KIF24: variants seen among roughly 807,000 people sequenced by gnomAD.
KIF24 encodes the protein kinesin-like protein KIF24.
A neutral mutation model predicts 118.9 loss-of-function variants in KIF24; 81 were observed. That is an observed-to-expected ratio of 0.68 (90% CI 0.57 to 0.82). The LOEUF (loss-of-function observed/expected upper bound fraction) is 0.82. Among genes scored for constraint, KIF24 ranks in the 40% least tolerant of loss-of-function variants. The probability of loss-of-function intolerance (pLI) is 0.00; values close to 1 mark genes in which losing one functional copy is unlikely to be tolerated. For synonymous variants in KIF24, 599 were observed against 610.0 expected (o/e 0.98, Z 0.27); for missense variants, 1,560 against 1,661.6 (o/e 0.94, Z 1.06).
intron 5 of KIF24, among the ~76,000 whole-genome samples, chr9:34,287,633 CCA>C (rs1293790066): frequency 6.6e-6 from 1 of 152,124 alleles, no homozygotes; most frequent in African/African-American, 2.4e-5. Flanking sequence ...ATGCTTCATC[CCA>C]GTTTTCCAGA....
chr9:34,291,052 C>G (rs1280130217), intron 4 of KIF24, among the ~76,000 whole-genome samples: 2 of 152,122 alleles, frequency 1.3e-5, no homozygotes, highest in Admixed American at 6.6e-5. Flanking sequence ...TAGAGATGAT[C>G]TACTATTAAT....
At chr9:34,289,388 C>T (rs531288856) in intron 5 of KIF24, among the ~76,000 whole-genome samples, 134 of 152,276 alleles carry the variant, frequency 8.8e-4, no homozygotes, top group African/African-American at 3.0e-3. Flanking sequence ...ACCTTTGTTG[C>T]CGGGCTAGTC....
intron 4 of KIF24, among the ~76,000 whole-genome samples, chr9:34,296,779 C>A (rs1272896470): frequency 6.6e-6 from 1 of 151,516 alleles, no homozygotes; most frequent in East Asian, 1.9e-4. Context: ...TATTTTTCCA[C>A]TAGACACAGA....
At chr9:34,282,754 A>T (rs993522838) in intron 6 of KIF24, 1 of 152,188 alleles carries the variant, frequency 6.6e-6, no homozygotes, top group African/African-American at 2.4e-5. Context: ...AATGAATTGT[A>T]TGCTTTAAAA....
intron 1 of KIF24, among the ~76,000 whole-genome samples, chr9:34,312,743 G>A (rs1837210236): frequency 6.6e-6 from 1 of 152,150 alleles, no homozygotes; most frequent in Non-Finnish European, 1.5e-5. Context: ...CTGTTGCCCA[G>A]GCTGGAGTGC....
intron 6 of KIF24, among the ~76,000 whole-genome samples, chr9:34,277,753 C>T (rs538022997): frequency 7.2e-5 from 11 of 152,192 alleles, no homozygotes; most frequent in Non-Finnish European, 1.5e-4. Flanking sequence ...TCATGCCTTC[C>T]AGAAACTATA....
At chr9:34,277,391 T>C (rs1835696636) in intron 6 of KIF24, among the ~76,000 whole-genome samples, 1 of 152,198 alleles carries the variant, frequency 6.6e-6, no homozygotes, top group African/African-American at 2.4e-5. Context: ...CTCTTCTACA[T>C]GTGAGTAATG....
At position 34,256,010 on chromosome 9, in the gene KIF24, T is replaced by C; in HGVS notation, c.3597A>G (p.Val1199=). Residue 1199 remains valine, a synonymous_variant, in exon 11 of 13, where the codon GTA becomes GTG. Coordinates refer to ENST00000402558, the MANE Select transcript of KIF24 (RefSeq NM_194313.4). The part of the protein sequence containing the change: ...GKPFTTIHMG[V]PHSGPTLTPR... Reference sequence around the variant, plus strand: ...GGGTGAGTGTAGGTCCAGAATGGGGTACCCCCATATGTATGGTGGTGAAGG... The same window carrying C: ...GGGTGAGTGTAGGTCCAGAATGGGGCACCCCCATATGTATGGTGGTGAAGG... 1.2e-6 allele frequency: 2 copies of C among 1,613,768 alleles called. No homozygotes were observed. The highest frequency in any genetic ancestry group is 1.1e-5 in the South Asian group (1 of 91,072).
At chr9:34,262,723 T>G (rs2131680602) in intron 9 of KIF24, among the ~76,000 whole-genome samples, 1 of 116,196 alleles carries the variant, frequency 8.6e-6, no homozygotes, top group Non-Finnish European at 1.7e-5. Context: ...TGGCCAGGCA[T>G]GATGGCATAT....
intron 4 of KIF24, among the ~76,000 whole-genome samples, chr9:34,293,732 C>T (rs1440619221): frequency 3.3e-5 from 5 of 152,094 alleles, no homozygotes; most frequent in Admixed American, 2.6e-4. Flanking sequence ...GCCAACATCG[C>T]GCCACTGCAC....
chr9:34,253,849 C>T lies in KIF24; in HGVS notation c.*531G>A, dbSNP rs1217926215. On this transcript the variant is annotated 3_prime_UTR_variant, in exon 13 of 13. Coordinates refer to ENST00000402558, the MANE Select transcript of KIF24 (RefSeq NM_194313.4). ...GCCTCTAAATCCCCAAATCAATCTC[C>T]AAGGGCTGATGGGGCAGAGCTCACC... 1.3e-5 allele frequency: 2 copies of T among 152,448 alleles called. No homozygotes were observed. The highest frequency in any genetic ancestry group is 2.9e-5 in the Non-Finnish European group (2 of 68,204). The allele number at this position is 152,448 out of a possible 1,614,324, so 9.4% of individuals were successfully genotyped here.
At chr9:34,315,054 G>A (rs1252973027) in intron 1 of KIF24, among the ~76,000 whole-genome samples, 14 of 152,090 alleles carry the variant, frequency 9.2e-5, no homozygotes, top group Admixed American at 6.6e-4. Flanking sequence ...GGGTGATTAT[G>A]GGAAGGAAAC....
intron 1 of KIF24, among the ~76,000 whole-genome samples, chr9:34,313,738 G>GTTTTTTTTTTTTTTT (rs5897567): frequency 7.7e-6 from 1 of 130,360 alleles, no homozygotes. Context: ...CCCGTTATCT[G>GTTTTTTTTTTTTTTT]TTTTTTTTTT....
At chr9:34,271,696 C>T in intron 7 of KIF24, 113 bp downstream of exon 7, 1 of 1,092,630 alleles carries the variant, frequency 9.2e-7, no homozygotes, top group African/African-American at 1.6e-5. Flanking sequence ...TACTCTGTAT[C>T]CCTGCAATGA....
rs1252037077 is a variant in KIF24, at chr9:34,266,679, G to GAA, written c.1443+2576_1443+2577dup. Among the ~76,000 whole-genome samples the GAA allele has an allele frequency of 2.7e-3, 205 of 77,268 alleles. 3 individuals carry two copies. The East Asian group carries it at 0.06, about 23-fold the overall frequency. The allele number at this position is 77,268 out of a possible 152,430, so 50.7% of individuals were successfully genotyped here. A position where few individuals can be genotyped will look rare whatever the true frequency, so the allele number is the denominator to read the frequency against. ...GGCAACAGTGTGAGACTCCATCTCAGAAAAAAAAAAAAAAAAGAAAGAAAA... is the reference window on the plus strand; with the variant it reads ...GGCAACAGTGTGAGACTCCATCTCAGAAAAAAAAAAAAAAAAAAGAAAGAAAA... On this transcript the variant is annotated intron_variant, in intron 8 of 12. Coordinates refer to ENST00000402558, the MANE Select transcript of KIF24 (RefSeq NM_194313.4).
intron 3 of KIF24, among the ~76,000 whole-genome samples, chr9:34,305,517 A>G (rs1836879526): frequency 6.6e-6 from 1 of 152,250 alleles, no homozygotes; most frequent in Non-Finnish European, 1.5e-5. Context: ...GATGCAAGCA[A>G]GAATGGAAAT....
chr9:34,319,068 GTGGCT>G, intron 1 of KIF24: 1 of 1,301,946 alleles, frequency 7.7e-7, no homozygotes, highest in African/African-American at 1.4e-5. Context: ...GTGGAAAACC[GTGGCT>G]TCATGGTGAC....
intron 6 of KIF24, among the ~76,000 whole-genome samples, chr9:34,281,948 T>C (rs1313359504): frequency 2.0e-5 from 3 of 152,092 alleles, no homozygotes; most frequent in African/African-American, 7.2e-5. Context: ...ATACTGCTGG[T>C]GGGAGTATAA....
intron 6 of KIF24, among the ~76,000 whole-genome samples, chr9:34,275,825 C>T (rs1835639508): frequency 1.3e-5 from 2 of 151,624 alleles, no homozygotes; most frequent in South Asian, 2.1e-4. Context: ...GGTGACAGAG[C>T]GAGTGTCTGT....
Sources: gnomAD v4.1 joint callset for allele counts (sites outside exome capture counted in the v4.1 genomes callset) on GRCh38, gnomAD v4.1.1 for gene constraint, MANE v1.5 for transcripts, NCBI Gene and HGNC (gene_info 2026-07-23, HGNC 2026-07-21) for gene names.